MEGF11: variants seen among roughly 807,000 people sequenced by gnomAD.
The protein encoded by MEGF11 is multiple epidermal growth factor-like domains protein 11.
Under a neutral mutation model 146.6 loss-of-function variants are expected in MEGF11, and 126 were observed. That is an observed-to-expected ratio of 0.86 (90% CI 0.74 to 1.00). The LOEUF (loss-of-function observed/expected upper bound fraction) is 1.00, where lower values mean the gene tolerates loss of function less well. Among genes scored for constraint, MEGF11 ranks in the 50% least tolerant of loss-of-function variants. The pLI is 0.00. For synonymous variants in MEGF11, 532 were observed against 583.4 expected (o/e 0.91, Z 1.27); for missense variants, 1,509 against 1,521.2 (o/e 0.99, Z 0.13).
At chr15:66,010,918 T>TCA (rs3865015) in intron 5 of MEGF11, among the ~76,000 whole-genome samples, 3 of 151,480 alleles carry the variant, frequency 2.0e-5, no homozygotes, top group Non-Finnish European at 4.4e-5. Flanking sequence ...TGGGAAGCCA[T>TCA]TGGGTGTGGC....
At chr15:65,922,633 T>A (rs113472580) in intron 14 of MEGF11, among the ~76,000 whole-genome samples, 161 bp from the exon 15 acceptor site, 8 of 152,286 alleles carry the variant, frequency 5.3e-5, no homozygotes, top group African/African-American at 1.9e-4. Context: ...GGTGTGGCCC[T>A]GTTTCCATTG....
In MEGF11 at chr15:66,034,412, G is replaced by T. The variant is rs199968822; in HGVS notation, c.395-51924C>A. 1.0e-3 allele frequency among the ~76,000 whole-genome samples: 138 copies of T among 138,468 alleles called. 2 individuals carry two copies. The highest frequency in any genetic ancestry group is 3.5e-3 in the African/African-American group (133 of 37,700). The allele number at this position is 138,468 out of a possible 152,430, so 90.8% of individuals were successfully genotyped here. ...GTGGAATGCTGGTTTTTTTTTTTTTGTTTTTGTTTTTTGGTTTTTCTTTTT... is the reference window on the plus strand; with the variant it reads ...GTGGAATGCTGGTTTTTTTTTTTTTTTTTTTGTTTTTTGGTTTTTCTTTTT... On this transcript the variant is annotated intron_variant, in intron 5 of 25. Transcript: ENST00000395614.
chr15:65,983,937 A>G lies in MEGF11; in HGVS notation c.395-1449T>C, dbSNP rs545224363. 2.0e-4 allele frequency among the ~76,000 whole-genome samples: 31 copies of G among 152,308 alleles called. No individual in the cohort carries two copies. The South Asian group carries it at 6.2e-3, about 31-fold the overall frequency. On this transcript the variant is annotated intron_variant, in intron 5 of 25. Transcript: ENST00000395614. The stretch of plus-strand genomic sequence containing the variant: ...ATCTTTGGGGGCTGAAGGTTGGTGG[A>G]AGGATCAGCCCCACCAGTCCCCGAC...
intron 4 of MEGF11, among the ~76,000 whole-genome samples, chr15:66,111,539 A>G (rs896834820): frequency 1.3e-5 from 2 of 152,220 alleles, no homozygotes; most frequent in Non-Finnish European, 1.5e-5. Context: ...CTCAGGGAAC[A>G]TTAGACCTGG....
At chr15:66,043,802 C>T (rs1446321648) in intron 5 of MEGF11, among the ~76,000 whole-genome samples, 1 of 152,182 alleles carries the variant, frequency 6.6e-6, no homozygotes, top group East Asian at 1.9e-4. Flanking sequence ...GAAAAAGACC[C>T]AATACCAGCC....
At chr15:66,040,861 A>T (rs1814293382) in intron 5 of MEGF11, among the ~76,000 whole-genome samples, 1 of 151,592 alleles carries the variant, frequency 6.6e-6, no homozygotes, top group Non-Finnish European at 1.5e-5. Flanking sequence ...TGGGGCTGAA[A>T]TCTAGTCCTC....
intron 5 of MEGF11, among the ~76,000 whole-genome samples, chr15:66,047,070 G>T (rs915621644): frequency 6.6e-6 from 1 of 152,222 alleles, no homozygotes; most frequent in Admixed American, 6.5e-5. Flanking sequence ...AAGCTGGGTC[G>T]AAAGGGAGCC....
At chr15:66,126,233 G>T (rs906105701) in intron 2 of MEGF11, among the ~76,000 whole-genome samples, 4 of 152,182 alleles carry the variant, frequency 2.6e-5, no homozygotes, top group Non-Finnish European at 4.4e-5. Context: ...AACAACACAG[G>T]CTAGATCCCT....
chr15:66,004,518 T>C (rs751769227), intron 5 of MEGF11, among the ~76,000 whole-genome samples: 1 of 152,188 alleles, frequency 6.6e-6, no homozygotes, highest in Non-Finnish European at 1.5e-5. Context: ...TTATTTTCTC[T>C]ATTTTCCTGT....
At chr15:66,056,454 A>G (rs936642689) in intron 5 of MEGF11, among the ~76,000 whole-genome samples, 2 of 152,210 alleles carry the variant, frequency 1.3e-5, no homozygotes, top group African/African-American at 4.8e-5. Context: ...CTTAATAGCT[A>G]TTGATTCCCT....
Position 66,189,106 on chromosome 15 carries a change from A to G in MEGF11, c.-8-60695T>C, listed in dbSNP as rs180716727. 3.1e-3 allele frequency among the ~76,000 whole-genome samples: 468 copies of G among 152,368 alleles called. 1 individual carries two copies. The highest frequency in any genetic ancestry group is 4.8e-3 in the Non-Finnish European group (325 of 68,040). The stretch of plus-strand genomic sequence containing the variant: ...TGGGGAGAGAAGGAAAGTAAATTGC[A>G]CAAATGCAAATTAGAATTATTTAAA... On this transcript the variant is annotated intron_variant, in intron 1 of 25. Coordinates refer to ENST00000395614, the MANE Select transcript of MEGF11 (RefSeq NM_001385028.1).
intron 9 of MEGF11, among the ~76,000 whole-genome samples, chr15:65,962,725 C>T (rs2080906837): frequency 6.6e-6 from 1 of 152,128 alleles, no homozygotes; most frequent in East Asian, 1.9e-4. Flanking sequence ...TGTGCAGGCA[C>T]CGTGCAATGC....
chr15:66,059,500 G>A (rs1216286395), intron 5 of MEGF11, among the ~76,000 whole-genome samples: 5 of 152,184 alleles, frequency 3.3e-5, no homozygotes, highest in Non-Finnish European at 7.3e-5. Context: ...AAAGTGGGGT[G>A]TGTGGCTTAA....
At chr15:65,965,172 T>C in intron 8 of MEGF11, 52 bp from the exon 9 acceptor site, 1 of 1,437,220 alleles carries the variant, frequency 7.0e-7, no homozygotes, top group Non-Finnish European at 9.5e-7. Flanking sequence ...CCCTCACCTG[T>C]GCTTCAAGAT....
intron 23 of MEGF11, among the ~76,000 whole-genome samples, chr15:65,907,860 T>C (rs1445406809): frequency 6.6e-6 from 1 of 152,238 alleles, no homozygotes; most frequent in Non-Finnish European, 1.5e-5. Context: ...CTCCAAGTAT[T>C]CTCTCTCACT....
At chr15:65,993,359 C>A (rs1400829507) in intron 5 of MEGF11, among the ~76,000 whole-genome samples, 1 of 152,206 alleles carries the variant, frequency 6.6e-6, no homozygotes, top group Non-Finnish European at 1.5e-5. Context: ...AAGCCCTCCC[C>A]TCCACCCACA....
intron 5 of MEGF11, among the ~76,000 whole-genome samples, chr15:66,039,432 G>T (rs962528535): frequency 9.2e-5 from 14 of 152,184 alleles, no homozygotes; most frequent in African/African-American, 3.4e-4. Flanking sequence ...GAAGAGAGTG[G>T]ATATGTGCAT....
intron 1 of MEGF11, among the ~76,000 whole-genome samples, chr15:66,208,743 G>A (rs1403011044): frequency 5.9e-5 from 9 of 152,044 alleles, no homozygotes; most frequent in South Asian, 4.2e-4. Flanking sequence ...TTAGCCAGGC[G>A]TGGTGGTGGA....
intron 1 of MEGF11, among the ~76,000 whole-genome samples, chr15:66,200,632 C>T (rs2140088848): frequency 6.6e-6 from 1 of 152,192 alleles, no homozygotes; most frequent in East Asian, 1.9e-4. Context: ...GTGACAACAG[C>T]AGCCACCTCC....
Sources: gnomAD v4.1 joint callset for allele counts (sites outside exome capture counted in the v4.1 genomes callset) on GRCh38, gnomAD v4.1.1 for gene constraint, MANE v1.5 for transcripts, NCBI Gene and HGNC (gene_info 2026-07-23, HGNC 2026-07-21) for gene names.